Variants in MXRA7 observed in about 807,000 individuals in gnomAD.
MXRA7 encodes matrix-remodeling-associated protein 7.
In MXRA7, 18 loss-of-function variants were observed where a neutral mutation model predicts 17.4. The observed-to-expected ratio is 1.03, with a 90% CI of 0.71 to 1.53. MXRA7 has a LOEUF of 1.53. MXRA7 is among the 40% of genes most tolerant of loss of function. The probability of loss-of-function intolerance (pLI) is 0.00; values close to 1 mark genes in which losing one functional copy is unlikely to be tolerated. For synonymous variants in MXRA7, 70 were observed against 101.7 expected, an observed-to-expected ratio of 0.69 and a Z score of 1.87; for missense variants, 141 against 209.3, an observed-to-expected ratio of 0.67 and a Z score of 2.01.
At chr17:76,682,875 T>A (rs993526258) in intron 3 of MXRA7, among the ~76,000 whole-genome samples, 3 of 152,078 alleles carry the variant, frequency 2.0e-5, no homozygotes, top group East Asian at 1.9e-4. Context: ...GAGCAGCACC[T>A]CGGGCACAGT....
At chr17:76,691,369 C>A (rs1463886664) in intron 1 of MXRA7, among the ~76,000 whole-genome samples, 1 of 152,194 alleles carries the variant, frequency 6.6e-6, no homozygotes, top group African/African-American at 2.4e-5. Flanking sequence ...TTCTAATAAA[C>A]CAGTTAACAT....
At chr17:76,702,858 A>AATATATATATATACGTATATATATATAT (rs1326758709) in intron 1 of MXRA7, among the ~76,000 whole-genome samples, 1 of 55,678 alleles carries the variant, frequency 1.8e-5, no homozygotes, top group African/African-American at 6.0e-5. Flanking sequence ...TCTTAAAATA[A>AATATATATATATACGTATATATATATAT]ATATATATAT....
At chr17:76,683,056 C>G (rs1416379528) in intron 3 of MXRA7, among the ~76,000 whole-genome samples, 3 of 152,202 alleles carry the variant, frequency 2.0e-5, no homozygotes, top group Non-Finnish European at 2.9e-5. Flanking sequence ...GGCAGTTTCA[C>G]CCCCAGCCGG....
chr17:76,685,704 C>T (rs761068785), intron 2 of MXRA7, among the ~76,000 whole-genome samples: 1 of 152,202 alleles, frequency 6.6e-6, no homozygotes, highest in Non-Finnish European at 1.5e-5. Flanking sequence ...TGCCAGTCCC[C>T]GAGGGGAGAC....
At chr17:76,695,089 G>T (rs2076519121) in intron 1 of MXRA7, among the ~76,000 whole-genome samples, 1 of 152,170 alleles carries the variant, frequency 6.6e-6, no homozygotes, top group South Asian at 2.1e-4. Context: ...GAACCCGGGA[G>T]GTGGGGGTTG....
intron 3 of MXRA7, chr17:76,684,822 G>T: frequency 1.8e-6 from 1 of 548,268 alleles, no homozygotes; most frequent in Non-Finnish European, 3.3e-6. Context: ...AATGGGCTCT[G>T]TATCCCCCAT....
intron 1 of MXRA7, chr17:76,688,946 C>T (rs903089180): frequency 1.6e-5 from 4 of 243,306 alleles, no homozygotes; most frequent in South Asian, 1.8e-4. Context: ...CAGCGTCGGC[C>T]GCTCACGGGA....
At chr17:76,698,872 G>T (rs2076563703) in intron 1 of MXRA7, among the ~76,000 whole-genome samples, 1 of 151,944 alleles carries the variant, frequency 6.6e-6, no homozygotes, top group South Asian at 2.1e-4. Flanking sequence ...ACATGTGCAT[G>T]CCAGCATCCC....
intron 1 of MXRA7, among the ~76,000 whole-genome samples, chr17:76,691,485 C>T (rs867009007): frequency 3.3e-5 from 5 of 152,254 alleles, no homozygotes; most frequent in South Asian, 2.1e-4. Context: ...GTGTGGGGAA[C>T]GAGGGGACCT....
chr17:76,694,182 C>T (rs537679403), intron 1 of MXRA7, among the ~76,000 whole-genome samples: 38 of 152,256 alleles, frequency 2.5e-4, no homozygotes, highest in Admixed American at 7.8e-4. Context: ...AGAGTGGGCC[C>T]GGGTGGAGAG....
At position 76,704,200 on chromosome 17, in the gene MXRA7, A is replaced by ATTT. The variant is rs1162372827; in HGVS notation, c.342+6402_342+6404dup. 3.6e-3 allele frequency among the ~76,000 whole-genome samples: 231 copies of ATTT among 63,434 alleles called. 2 individuals carry two copies. The highest frequency in any genetic ancestry group is 4.4e-3 in the Non-Finnish European group (159 of 36,290). The allele number at this position is 63,434 out of a possible 152,430, so 41.6% of individuals were successfully genotyped here. On this transcript the variant is annotated intron_variant, in intron 1 of 3. Coordinates refer to ENST00000449428, the MANE Select transcript of MXRA7 (RefSeq NM_198530.4). Reference sequence around the variant, plus strand: ...TGCAGCACCCTCCAGCTTCCTTCAGATTTTTTTTTTTTTTTTTTTTTTTGA... The same window carrying ATTT: ...TGCAGCACCCTCCAGCTTCCTTCAGATTTTTTTTTTTTTTTTTTTTTTTTTTGA...
chr17:76,708,407 G>A (rs1598365082), intron 1 of MXRA7, among the ~76,000 whole-genome samples: 1 of 152,130 alleles, frequency 6.6e-6, no homozygotes, highest in Non-Finnish European at 1.5e-5. Context: ...GGTGGGGTTC[G>A]CTTAGGGACG....
At chr17:76,677,680 C>T, downstream of MXRA7, 1 of 1,613,932 alleles carries the variant, frequency 6.2e-7, no homozygotes. Context: ...TTGAAGATGG[C>T]AGCCAGCTGT....
intron 1 of MXRA7, among the ~76,000 whole-genome samples, chr17:76,702,879 A>ATATATATATATATATATATATATACG (rs2076610017): frequency 6.7e-6 from 1 of 148,398 alleles, no homozygotes; most frequent in South Asian, 2.1e-4. Context: ...ATACGTATAT[A>ATATATATATATATATATATATATACG]TATATATATA....
At chr17:76,683,790 C>T in intron 3 of MXRA7, 1 of 1,328,696 alleles carries the variant, frequency 7.5e-7, no homozygotes, top group East Asian at 2.3e-5. Flanking sequence ...TGTTTGGGGG[C>T]ACGTTAGCAC....
downstream of MXRA7, chr17:76,676,070 A>C: frequency 6.6e-6 from 1 of 152,260 alleles, no homozygotes; most frequent in East Asian, 1.9e-4. Context: ...TGGGACCTGC[A>C]TGGTATGAGG....
At chr17:76,685,403 G>A (rs2076379447) in intron 2 of MXRA7, among the ~76,000 whole-genome samples, 1 of 152,188 alleles carries the variant, frequency 6.6e-6, no homozygotes, top group African/African-American at 2.4e-5. Context: ...GTCTCCAGAT[G>A]CCACATCCCT....
In MXRA7 at chr17:76,683,592, C is replaced by T. The variant is rs1349774968; in HGVS notation, c.500+1480G>A. ...TTGCGAGGGGGCGCTAGCACCCCAA[C>T]CTGCCGGCCCATTAGGCCCCCTCCA... On this transcript the variant is annotated intron_variant, in intron 3 of 3. Coordinates refer to ENST00000449428, the MANE Select transcript of MXRA7 (RefSeq NM_198530.4). Among the ~76,000 whole-genome samples the T allele has an allele frequency of 1.1e-4, 16 of 152,370 alleles. No homozygotes were observed. The East Asian group carries it at 3.1e-3, about 29-fold the overall frequency.
At chr17:76,679,304 A>AG (rs1491461544), downstream of MXRA7, among the ~76,000 whole-genome samples, 3 of 131,232 alleles carry the variant, frequency 2.3e-5, 1 homozygote, top group Admixed American at 2.4e-4. Flanking sequence ...AAAAAAAAAA[A>AG]GAAGAAGAAG....
Sources: allele counts gnomAD v4.1 joint callset (sites outside exome capture counted in the v4.1 genomes callset), GRCh38; gene constraint gnomAD v4.1.1; transcripts MANE v1.5; gene names NCBI Gene and HGNC (gene_info 2026-07-23, HGNC 2026-07-21).